KDM4C: variants seen among roughly 807,000 people sequenced by gnomAD.
KDM4C encodes lysine demethylase 4C, also known as lysine-specific demethylase 4C.
KDM4C carries 81 observed loss-of-function variants against 129.3 expected under a neutral mutation model. That is an observed-to-expected ratio of 0.63 (90% CI 0.52 to 0.75). The LOEUF (loss-of-function observed/expected upper bound fraction) is 0.75, where lower values mean the gene tolerates loss of function less well. Ranked by LOEUF, KDM4C falls within the 30% of genes least tolerant of loss-of-function variation. The pLI is 0.00. For missense variants in KDM4C, 1,457 were observed against 1,304.0 expected, an observed-to-expected ratio of 1.12 and a Z score of -1.81; for synonymous variants, 573 against 456.1, an observed-to-expected ratio of 1.26 and a Z score of -3.26.
At chr9:7,148,239 G>A (rs1842399350) in intron 19 of KDM4C, among the ~76,000 whole-genome samples, 1 of 152,256 alleles carries the variant, frequency 6.6e-6, no homozygotes, top group South Asian at 2.1e-4. Context: ...ATGTTACAGT[G>A]TGTTACAGCC....
At position 7,044,304 on chromosome 9, in the gene KDM4C, G is replaced by C. The variant is rs1829058702; in HGVS notation, c.2260-2558G>C. On this transcript the variant is annotated intron_variant, in intron 15 of 21. Transcript: ENST00000381309. Reference sequence around the variant, plus strand: ...TTCAGGACAGAAGGAACCTCAGGGAGGTCCTTGAGGTGTCTAAACACAGTG... The same window carrying C: ...TTCAGGACAGAAGGAACCTCAGGGACGTCCTTGAGGTGTCTAAACACAGTG... 3.9e-5 allele frequency among the ~76,000 whole-genome samples: 6 copies of C among 152,088 alleles called. No homozygotes were observed. The South Asian group carries it at 1.2e-3, about 32-fold the overall frequency.
chr9:6,958,103 A>G (rs1829396781), intron 8 of KDM4C, among the ~76,000 whole-genome samples: 1 of 147,278 alleles, frequency 6.8e-6, no homozygotes, highest in African/African-American at 2.5e-5. Context: ...TTTTTTAATA[A>G]TTGCTTGTAG....
intron 8 of KDM4C, among the ~76,000 whole-genome samples, chr9:6,949,674 A>G (rs1476021121): frequency 1.3e-5 from 2 of 151,980 alleles, no homozygotes; most frequent in African/African-American, 2.4e-5. Flanking sequence ...CCCCGTCTCC[A>G]CCAAAAAAAA....
chr9:6,993,991 C>G (rs933916307), intron 12 of KDM4C, among the ~76,000 whole-genome samples: 2 of 152,036 alleles, frequency 1.3e-5, no homozygotes, highest in Non-Finnish European at 2.9e-5. Flanking sequence ...GCACCAGGCA[C>G]TGGTTTTGTA....
chr9:6,815,810 A>G (rs748817273), intron 4 of KDM4C, among the ~76,000 whole-genome samples: 2 of 152,212 alleles, frequency 1.3e-5, no homozygotes, highest in African/African-American at 2.4e-5. Flanking sequence ...GGGCCCAAGC[A>G]TTATGGGTAA....
At chr9:7,163,016 C>T (rs991073412) in intron 19 of KDM4C, among the ~76,000 whole-genome samples, 1 of 152,044 alleles carries the variant, frequency 6.6e-6, no homozygotes, top group East Asian at 1.9e-4. Context: ...ATACTGGACC[C>T]TGGAATTAGA....
chr9:7,024,952 A>C (rs1462876961), intron 15 of KDM4C, among the ~76,000 whole-genome samples: 1 of 152,202 alleles, frequency 6.6e-6, no homozygotes, highest in Non-Finnish European at 1.5e-5. Context: ...TCCCACCAAC[A>C]GTGTAAAAGT....
intron 15 of KDM4C, among the ~76,000 whole-genome samples, chr9:7,018,026 G>T (rs919258092): frequency 6.6e-6 from 1 of 152,194 alleles, no homozygotes; most frequent in Non-Finnish European, 1.5e-5. Flanking sequence ...CCCTGCATCA[G>T]TGGGCCCAGA....
chr9:6,744,779 C>T (rs1042721452), intron 1 of KDM4C, among the ~76,000 whole-genome samples: 1 of 150,984 alleles, frequency 6.6e-6, no homozygotes, highest in Non-Finnish European at 1.5e-5. Flanking sequence ...TGGTGTGCTC[C>T]AGGGTTGTGG....
At chr9:6,721,070 T>C (rs1816931111) in intron 1 of KDM4C, 1 of 1,326,620 alleles carries the variant, frequency 7.5e-7, no homozygotes, top group Admixed American at 2.0e-5. Flanking sequence ...TAAAGCAATG[T>C]TAATTTCTTT....
chr9:6,939,976 A>ACCTACCTACCTTCCTTCCTTCCTT (rs1458974643), intron 8 of KDM4C, among the ~76,000 whole-genome samples: 4 of 93,526 alleles, frequency 4.3e-5, no homozygotes, highest in Non-Finnish European at 8.9e-5. Context: ...CTACCTACCT[A>ACCTACCTACCTTCCTTCCTTCCTT]CCTTCCTTCC....
rs1823237327 is a variant in KDM4C at position 7,014,269 on chromosome 9, G to A, written c.2182+268G>A. Reference sequence around the variant, plus strand: ...GGGTCCAGTTGAGGAGTCATGATGGGGTTCCTTTCACATGTTTGGATTTTA... The same window carrying A: ...GGGTCCAGTTGAGGAGTCATGATGGAGTTCCTTTCACATGTTTGGATTTTA... On this transcript the variant is annotated intron_variant, in intron 14 of 21. Coordinates refer to ENST00000381309, the MANE Select transcript of KDM4C (RefSeq NM_015061.6). The A allele has an allele frequency of 2.1e-5, 7 of 333,998 alleles. No homozygotes were observed. In the Admixed American group the frequency reaches 3.1e-4, roughly 15 times the overall value. The allele number at this position is 333,998 out of a possible 1,614,324, so 20.7% of individuals were successfully genotyped here. A position where few individuals can be genotyped will look rare whatever the true frequency, so the allele number is the denominator to read the frequency against.
intron 15 of KDM4C, among the ~76,000 whole-genome samples, chr9:7,042,350 G>A (rs1326011582): frequency 3.3e-5 from 5 of 152,130 alleles, no homozygotes; most frequent in African/African-American, 9.6e-5. Context: ...CATTTAGCCT[G>A]AGGTTATATT....
intron 19 of KDM4C, among the ~76,000 whole-genome samples, chr9:7,161,309 G>A (rs1158940161): frequency 1.3e-5 from 2 of 152,166 alleles, no homozygotes; most frequent in South Asian, 2.1e-4. Context: ...GCCCCACCCT[G>A]CTTCAGCTTG....
At chr9:7,110,264 C>T (rs977961607) in intron 18 of KDM4C, among the ~76,000 whole-genome samples, 15 of 152,306 alleles carry the variant, frequency 9.8e-5, no homozygotes, top group Non-Finnish European at 2.2e-4. Context: ...CCAAATTTGC[C>T]ATGAAAGGTG....
intron 8 of KDM4C, among the ~76,000 whole-genome samples, chr9:6,940,062 CCTCCTTCT>C (rs1825658348): frequency 1.5e-5 from 2 of 132,434 alleles, no homozygotes; most frequent in Non-Finnish European, 3.4e-5. Context: ...TCCCTCCTTC[CCTCCTTCT>C]CTCTCTCTCT....
rs138842511 is a variant in KDM4C at position 7,000,966 on chromosome 9, A to C, written c.1786+10442A>C. On this transcript the variant is annotated intron_variant, in intron 12 of 21. Coordinates refer to ENST00000381309, the MANE Select transcript of KDM4C (RefSeq NM_015061.6). ...TTTTGCCGCTGGCCAATGAAAACTT[A>C]GTCCTGGCTGGCAACATTCTACAGG... 2.9e-3 allele frequency among the ~76,000 whole-genome samples: 449 copies of C among 152,344 alleles called. 4 individuals are homozygous for C. The highest frequency in any genetic ancestry group is 9.4e-3 in the African/African-American group (391 of 41,574).
Position 6,903,137 on chromosome 9 carries a change from C to T in KDM4C, c.921+9905C>T, listed in dbSNP as rs7041697. On this transcript the variant is annotated intron_variant, in intron 8 of 21. Transcript: ENST00000381309. ...GTTTCTATTAACTGTTTAAAATTTT[C>T]GTAAAAGGTATTTTTGTAAGGCCTG... Among the ~76,000 whole-genome samples the T allele has an allele frequency of 8.4e-3, 1,275 of 152,106 alleles. 12 individuals carry two copies. The highest frequency in any genetic ancestry group is 0.012 in the Non-Finnish European group (849 of 67,998).
At chr9:6,917,909 C>G (rs1309839426) in intron 8 of KDM4C, among the ~76,000 whole-genome samples, 3 of 152,214 alleles carry the variant, frequency 2.0e-5, no homozygotes, top group African/African-American at 7.2e-5. Context: ...GTCCAGGCAT[C>G]TCAATTCTTC....
Sources: allele counts gnomAD v4.1 joint callset (sites outside exome capture counted in the v4.1 genomes callset), GRCh38; gene constraint gnomAD v4.1.1; transcripts MANE v1.5; gene names NCBI Gene and HGNC (gene_info 2026-07-23, HGNC 2026-07-21).